The following IFNA1 variants were observed in gnomAD, a reference collection of about 807,000 sequenced individuals.
The protein encoded by IFNA1 is interferon alpha 1, also known as interferon alpha-1.
For synonymous variants in IFNA1, 52 were observed against 86.8 expected, an observed-to-expected ratio of 0.60 and a Z score of 2.23; for missense variants, 130 against 219.8, an observed-to-expected ratio of 0.59 and a Z score of 2.58.
Position 21,440,505 on chromosome 9 carries a change from A to G in IFNA1, c.-3A>G, listed in dbSNP as rs150468290. On this transcript the variant is annotated 5_prime_UTR_variant, in exon 1 of 1. Coordinates refer to ENST00000276927, the MANE Select transcript of IFNA1 (RefSeq NM_024013.3). ...AAGCCCAGAAGTATCTGCAATATCT[A>G]CGATGGCCTCGCCCTTTGCTTTACT... The G allele has an allele frequency of 1.5e-3, 2,385 of 1,613,886 alleles. 29 individuals are homozygous for G. Among genetic ancestry groups the G allele is most frequent in the East Asian group, 8.2e-3 (367 of 44,886 alleles).
Position 21,440,491 on chromosome 9 carries a change from T to C in IFNA1, c.-17T>C, listed in dbSNP as rs1758566. On this transcript the variant is annotated 5_prime_UTR_variant, in exon 1 of 1. Coordinates refer to ENST00000276927, the MANE Select transcript of IFNA1 (RefSeq NM_024013.3). ...TCACCCATCTCAGCAAGCCCAGAAG[T>C]ATCTGCAATATCTACGATGGCCTCG... 154,759 of 1,612,118 alleles carry C rather than the reference T, an allele frequency of 0.096. 7,825 individuals carry two copies. The highest frequency in any genetic ancestry group is 0.18 in the African/African-American group (13,436 of 74,644).
At position 21,441,068 on chromosome 9, in the gene IFNA1, G is replaced by T. The variant is rs1339698516; in HGVS notation, c.561G>T (p.Arg187Ser). The T allele has an allele frequency of 6.2e-7, 1 of 1,612,768 alleles. No homozygotes were observed. Among genetic ancestry groups the T allele is most frequent in the Non-Finnish European group, 8.5e-7 (1 of 1,179,956 alleles). The change falls in exon 1 of 1, where the codon AGG becomes AGT. Residue 187 changes from arginine to serine, a missense_variant. By Grantham distance (110) the Arg-to-Ser change is moderately radical. Coordinates refer to ENST00000276927, the MANE Select transcript of IFNA1 (RefSeq NM_024013.3). The part of the protein sequence containing the change: ...LSTNLQERLR[R>S]KE ...CAAACTTGCAAGAAAGATTAAGGAG[G>T]AAGGAATAACATCTGGTCCAACATG...
chr9:21,440,881 A>T lies in IFNA1; in HGVS notation c.374A>T (p.Gln125Leu), dbSNP rs1586976065. The T allele has an allele frequency of 1.3e-6, 2 of 1,555,852 alleles. No homozygotes were observed. The change falls in exon 1 of 1, where the codon CAG becomes CTG. Residue 125 changes from glutamine to leucine, a missense_variant. Gln to Leu is a moderately radical substitution (Grantham distance 113). Transcript: ENST00000276927. ...AATGACTTGGAAGCCTGTGTGATGC[A>T]GGAGGAGAGGGTGGGAGAAACTCCC... ...QLNDLEACVM[Q>L]EERVGETPLM...
At position 21,440,502 on chromosome 9, in the gene IFNA1, T is replaced by G. The variant is rs1201593249; in HGVS notation, c.-6T>G. 6.2e-7 allele frequency: 1 copy of G among 1,614,110 alleles called. No individual in the cohort carries two copies. Among genetic ancestry groups the G allele is most frequent in the Admixed American group, 1.7e-5 (1 of 60,022 alleles). On this transcript the variant is annotated 5_prime_UTR_variant, in exon 1 of 1. Transcript: ENST00000276927. ...AGCAAGCCCAGAAGTATCTGCAATATCTACGATGGCCTCGCCCTTTGCTTT... is the reference window on the plus strand; with the variant it reads ...AGCAAGCCCAGAAGTATCTGCAATAGCTACGATGGCCTCGCCCTTTGCTTT...
At position 21,441,169 on chromosome 9, in the gene IFNA1, T is replaced by C; in HGVS notation, c.*92T>C. The C allele has an allele frequency of 6.5e-7, 1 of 1,546,490 alleles. No homozygotes were observed. Among genetic ancestry groups the C allele is most frequent in the Admixed American group, 2.0e-5 (1 of 49,578 alleles). On this transcript the variant is annotated 3_prime_UTR_variant, in exon 1 of 1. Coordinates refer to ENST00000276927, the MANE Select transcript of IFNA1 (RefSeq NM_024013.3). ...TCATTTCAAAGACTCTCACCCCTGC[T>C]ATAACTATGACCATGCTGATAAACT...
In IFNA1 at chr9:21,440,928, T is replaced by C. The variant is rs759157001; in HGVS notation, c.421T>C (p.Leu141=). The change falls in exon 1 of 1, where the codon TTG becomes CTG. Residue 141 remains leucine (L), a synonymous_variant. Transcript: ENST00000276927. ...ETPLMNADSI[L]AVKKYFRRIT... ...TCCCCTGATGAATGCGGACTCCATC[T>C]TGGCTGTGAAGAAATACTTCCGAAG... The C allele has an allele frequency of 6.4e-5, 102 of 1,602,720 alleles. No homozygotes were observed. The highest frequency in any genetic ancestry group is 2.0e-4 in the East Asian group (9 of 44,690).
Position 21,441,128 on chromosome 9 carries a change from G to A in IFNA1, c.*51G>A, listed in dbSNP as rs558809435. On this transcript the variant is annotated 3_prime_UTR_variant, in exon 1 of 1. Coordinates refer to ENST00000276927, the MANE Select transcript of IFNA1 (RefSeq NM_024013.3). The stretch of plus-strand genomic sequence containing the variant: ...CTTATTGACTCATACACCAGGTCAC[G>A]CTTTCATGAATTCTGTCATTTCAAA... 109 of 1,604,742 alleles carry A rather than the reference G, an allele frequency of 6.8e-5. No homozygotes were observed. The highest frequency in any genetic ancestry group is 1.7e-4 in the Middle Eastern group (1 of 5,996).
chr9:21,441,311 T>G lies in IFNA1; in HGVS notation c.*234T>G, dbSNP rs12685904. On this transcript the variant is annotated 3_prime_UTR_variant, in exon 1 of 1. Coordinates refer to ENST00000276927, the MANE Select transcript of IFNA1 (RefSeq NM_024013.3). ...GTGTAATAAAACATGTTCCTTATAT[T>G]TACTCAATCCATTATTTTGTGTTGT... 17,282 of 577,036 alleles carry G rather than the reference T, an allele frequency of 0.03. 365 individuals are homozygous for G. The highest frequency in any genetic ancestry group is 0.067 in the East Asian group (1,786 of 26,812). The allele number at this position is 577,036 out of a possible 1,614,324, so 35.7% of individuals were successfully genotyped here.
Position 21,441,161 on chromosome 9 carries a change from A to T in IFNA1, c.*84A>T. The T allele has an allele frequency of 1.3e-6, 2 of 1,571,398 alleles. No individual in the cohort carries two copies. The highest frequency in any genetic ancestry group is 1.7e-6 in the Non-Finnish European group (2 of 1,157,742). ...GAATTCTGTCATTTCAAAGACTCTC[A>T]CCCCTGCTATAACTATGACCATGCT... is the stretch of plus-strand genomic sequence containing the variant. On this transcript the variant is annotated 3_prime_UTR_variant, in exon 1 of 1. Coordinates refer to ENST00000276927, the MANE Select transcript of IFNA1 (RefSeq NM_024013.3).
In IFNA1 at chr9:21,441,292, T is replaced by C; in HGVS notation, c.*215T>C. 1.4e-6 allele frequency: 1 copy of C among 691,266 alleles called. No homozygotes were observed. Among genetic ancestry groups the C allele is most frequent in the Non-Finnish European group, 2.2e-6 (1 of 450,234 alleles). 42.8% of individuals were successfully genotyped at this position (691,266 alleles called of 1,614,324 possible). A position where few individuals can be genotyped will look rare whatever the true frequency, so the allele number is the denominator to read the frequency against. On this transcript the variant is annotated 3_prime_UTR_variant, in exon 1 of 1. Coordinates refer to ENST00000276927, the MANE Select transcript of IFNA1 (RefSeq NM_024013.3). ...CACCTTTACACTGTGGTTAGTGTAA[T>C]AAAACATGTTCCTTATATTTACTCA...
Position 21,440,597 on chromosome 9 carries a change from C to A in IFNA1, c.90C>A (p.His30Gln). 6.2e-7 allele frequency: 1 copy of A among 1,612,616 alleles called. No homozygotes were observed. Among genetic ancestry groups the A allele is most frequent in the Non-Finnish European group, 8.5e-7 (1 of 1,179,658 alleles). ...TGGGCTGTGATCTCCCTGAGACCCA[C>A]AGCCTGGATAACAGGAGGACCTTGA... ...CSLGCDLPET[H>Q]SLDNRRTLML... The change falls in exon 1 of 1, where the codon CAC (histidine) becomes CAA (glutamine). Residue 30 changes from histidine (H) to glutamine (Q), a missense_variant. Transcript: ENST00000276927.
chr9:21,440,581 A>T lies in IFNA1; in HGVS notation c.74A>T (p.Asp25Val). 1 of 1,613,414 alleles carries T rather than the reference A, an allele frequency of 6.2e-7. No individual in the cohort carries two copies. The highest frequency in any genetic ancestry group is 8.5e-7 in the Non-Finnish European group (1 of 1,179,840). The change falls in exon 1 of 1, where the codon GAT (aspartate) becomes GTT (valine). Residue 25 changes from aspartate to valine, a missense_variant. Transcript: ENST00000276927. ...AAGTCAAGCTGCTCTCTGGGCTGTG[A>T]TCTCCCTGAGACCCACAGCCTGGAT... ...SCKSSCSLGC[D>V]LPETHSLDNR...
rs762012838 is a variant in IFNA1 at position 21,440,914 on chromosome 9, A to G, written c.407A>G (p.Asn136Ser). ...AGGGTGGGAGAAACTCCCCTGATGA[A>G]TGCGGACTCCATCTTGGCTGTGAAG... ...EERVGETPLM[N>S]ADSILAVKKY... The change falls in exon 1 of 1, where the codon AAT (asparagine) becomes AGT (serine). Residue 136 changes from asparagine to serine, a missense_variant. By Grantham distance (46) the Asn-to-Ser change is conservative. Transcript: ENST00000276927. 6.3e-7 allele frequency: 1 copy of G among 1,596,054 alleles called. No individual in the cohort carries two copies. The highest frequency in any genetic ancestry group is 8.5e-7 in the Non-Finnish European group (1 of 1,172,194).
Position 21,441,223 on chromosome 9 carries a change from T to C in IFNA1, c.*146T>C. On this transcript the variant is annotated 3_prime_UTR_variant, in exon 1 of 1. Coordinates refer to ENST00000276927, the MANE Select transcript of IFNA1 (RefSeq NM_024013.3). ...TTATCTATTTAAATATTTATTTAAC[T>C]ATTCATAAGATTTAAATTATTTTTG... The C allele has an allele frequency of 8.3e-7, 1 of 1,208,694 alleles. No homozygotes were observed. The allele number at this position is 1,208,694 out of a possible 1,614,324, so 74.9% of individuals were successfully genotyped here. A position where few individuals can be genotyped will look rare whatever the true frequency, so the allele number is the denominator to read the frequency against.
chr9:21,441,051 CA>C, the IFNA1 span: 1 of 1,613,030 alleles, frequency 6.2e-7, no homozygotes, highest in Non-Finnish European at 8.5e-7. Context: ...AACAAACTTG[CA>C]AGAAAGATTA....
rs1336855108 is a variant in IFNA1 at position 21,441,046 on chromosome 9, A to G, written c.539A>G (p.Asn180Ser). Residue 180 changes from asparagine to serine, a missense_variant, in exon 1 of 1, where the codon AAC becomes AGC. Asn to Ser is a conservative substitution (Grantham distance 46). Transcript: ENST00000276927. ...ATGAGATCCCTCTCTTTATCAACAA[A>G]CTTGCAAGAAAGATTAAGGAGGAAG... ...EIMRSLSLST[N>S]LQERLRRKE 1 of 1,612,878 alleles carries G rather than the reference A, an allele frequency of 6.2e-7. No individual in the cohort carries two copies. Among genetic ancestry groups the G allele is most frequent in the East Asian group, 2.2e-5 (1 of 44,876 alleles).
In IFNA1 at chr9:21,440,848, A is replaced by C. The variant is rs1252688489; in HGVS notation, c.341A>C (p.Gln114Pro). The change falls in exon 1 of 1, where the codon CAG becomes CCG. Residue 114 changes from glutamine (Q) to proline (P), a missense_variant. By Grantham distance (76) the Gln-to-Pro change is moderately conservative. Transcript: ENST00000276927. ...GACAAATTCTGCACCGAACTCTACC[A>C]GCAGCTGAATGACTTGGAAGCCTGT... ...LLDKFCTELY[Q>P]QLNDLEACVM... 1.3e-6 allele frequency: 2 copies of C among 1,499,348 alleles called. No individual in the cohort carries two copies. The highest frequency in any genetic ancestry group is 4.2e-5 in the Admixed American group (2 of 47,756). The allele number at this position is 1,499,348 out of a possible 1,614,324, so 92.9% of individuals were successfully genotyped here. A position where few individuals can be genotyped will look rare whatever the true frequency, so the allele number is the denominator to read the frequency against.
chr9:21,440,803 C>T lies in IFNA1; in HGVS notation c.296C>T (p.Ala99Val), dbSNP rs1818362909. 3.5e-6 allele frequency: 5 copies of T among 1,418,148 alleles called. No homozygotes were observed. Among genetic ancestry groups the T allele is most frequent in the Non-Finnish European group, 4.8e-6 (5 of 1,046,068 alleles). The allele number at this position is 1,418,148 out of a possible 1,614,324, so 87.8% of individuals were successfully genotyped here. Residue 99 changes from alanine to valine, a missense_variant, in exon 1 of 1, where the codon GCT becomes GTT. Ala to Val is a moderately conservative substitution (Grantham distance 64). Coordinates refer to ENST00000276927, the MANE Select transcript of IFNA1 (RefSeq NM_024013.3). Reference sequence around the variant, plus strand: ...TTTACCACAAAAGATTCATCTGCTGCTTGGGATGAGGACCTCCTAGACAAA... The same window carrying T: ...TTTACCACAAAAGATTCATCTGCTGTTTGGGATGAGGACCTCCTAGACAAA... Reference protein sequence around the residue: ...NLFTTKDSSAAWDEDLLDKFC... With the variant: ...NLFTTKDSSAVWDEDLLDKFC...
rs1818368386 is a variant in IFNA1 at position 21,441,091 on chromosome 9, A to G, written c.*14A>G. Reference sequence around the variant, plus strand: ...AGGAAGGAATAACATCTGGTCCAACATGAAAACAATTCTTATTGACTCATA... The same window carrying G: ...AGGAAGGAATAACATCTGGTCCAACGTGAAAACAATTCTTATTGACTCATA... On this transcript the variant is annotated 3_prime_UTR_variant, in exon 1 of 1. Transcript: ENST00000276927. The G allele has an allele frequency of 3.7e-6, 6 of 1,611,046 alleles. No individual in the cohort carries two copies. Among genetic ancestry groups the G allele is most frequent in the East Asian group, 2.2e-5 (1 of 44,854 alleles).
Sources: gnomAD v4.1 joint callset for allele counts on GRCh38, gnomAD v4.1.1 for gene constraint, MANE v1.5 for transcripts, NCBI Gene and HGNC (gene_info 2026-07-23, HGNC 2026-07-21) for gene names.